The following DNAH8 variants were observed in gnomAD, a reference collection of about 807,000 sequenced individuals.
DNAH8 encodes axonemal beta dynein heavy chain 8.
DNAH8 carries 382 observed loss-of-function variants against 562.1 expected under a neutral mutation model. The observed-to-expected ratio is 0.68, with a 90% CI of 0.63 to 0.74. DNAH8 has a LOEUF of 0.74. Among genes scored for constraint, DNAH8 ranks in the 30% least tolerant of loss-of-function variants. DNAH8 has a pLI of 0.00. For missense variants in DNAH8, 5,203 were observed against 5,620.4 expected, an observed-to-expected ratio of 0.93 and a Z score of 2.37; for synonymous variants, 1,881 against 1,919.4, an observed-to-expected ratio of 0.98 and a Z score of 0.52.
At chr6:38,866,559 C>T (rs1733524743) in intron 45 of DNAH8, 32 bp from the exon 46 acceptor site, 3 of 1,440,688 alleles carry the variant, frequency 2.1e-6, no homozygotes, top group Non-Finnish European at 2.9e-6. Context: ...ATTGTTTTAG[C>T]AATTAAAAAT....
rs770586900 is a variant in DNAH8, at chr6:39,012,310, C to G, written c.13467C>G (p.Leu4489=). The G allele has an allele frequency of 8.7e-6, 14 of 1,613,186 alleles. No homozygotes were observed. Among genetic ancestry groups the G allele is most frequent in the Non-Finnish European group, 1.1e-5 (13 of 1,179,384 alleles). ...GAATGCAAAGAGTCATTTCAATACTCCGCAGTAGCCTGAGTGATCTAAAAT... is the reference window on the plus strand; with the variant it reads ...GAATGCAAAGAGTCATTTCAATACTGCGCAGTAGCCTGAGTGATCTAAAAT... ...IDRMQRVISI[L]RSSLSDLKLA... The change falls in exon 90 of 93, where the codon CTC becomes CTG. Residue 4489 remains leucine, a synonymous_variant. Coordinates refer to ENST00000327475, the MANE Select transcript of DNAH8 (RefSeq NM_001206927.2).
chr6:38,885,381 G>A (rs187976390), intron 56 of DNAH8, among the ~76,000 whole-genome samples: 16 of 152,052 alleles, frequency 1.1e-4, no homozygotes, highest in African/African-American at 3.9e-4. Context: ...ACCACCTGGC[G>A]CCACCCACCA....
rs1031668402 is a variant in DNAH8 at position 38,896,086 on chromosome 6, T to C, written c.8801T>C (p.Val2934Ala). The C allele has an allele frequency of 1.5e-5, 25 of 1,614,022 alleles. No individual in the cohort carries two copies. The Admixed American group carries it at 3.2e-4, about 20-fold the overall frequency. Residue 2934 changes from valine (V) to alanine (A), a missense_variant, in exon 60 of 93, where the codon GTT (valine) becomes GCT (alanine). Val to Ala is a moderately conservative substitution (Grantham distance 64). This residue lies in a region of DNAH8 where 977 missense variants were observed against 1,061.8 expected (regional missense o/e 0.92). Transcript: ENST00000327475. ...QWFNAHLTRAVEENIGSDAAS... is the reference protein window; with the variant it reads ...QWFNAHLTRAAEENIGSDAAS... The stretch of plus-strand genomic sequence containing the variant: ...TTTAATGCACATCTTACTCGTGCAG[T>C]TGAAGAAAATATTGGCTCTGATGCA...
rs755414582 is a variant in DNAH8, at chr6:38,815,490, A to T, written c.3356A>T (p.Asp1119Val). 6.2e-7 allele frequency: 1 copy of T among 1,613,878 alleles called. No individual in the cohort carries two copies. Among genetic ancestry groups the T allele is most frequent in the Non-Finnish European group, 8.5e-7 (1 of 1,179,816 alleles). ...CAGGTGATGATTCCTAGTTTGGATG[A>T]CATTCAACAAGCCATTAACCGTATG... ...PNVVMIPSLD[D>V]IQQAINRMIQ... The change falls in exon 26 of 93, where the codon GAC becomes GTC. Residue 1119 changes from aspartate (D) to valine (V), a missense_variant. Coordinates refer to ENST00000327475, the MANE Select transcript of DNAH8 (RefSeq NM_001206927.2).
intron 23 of DNAH8, among the ~76,000 whole-genome samples, chr6:38,807,404 A>T (rs1292619112): frequency 2.0e-5 from 3 of 152,246 alleles, no homozygotes; most frequent in Non-Finnish European, 4.4e-5. Context: ...GTGTTTATGC[A>T]AACACATTTT....
At chr6:38,912,096 A>G (rs1052771456) in intron 66 of DNAH8, among the ~76,000 whole-genome samples, 1 of 152,242 alleles carries the variant, frequency 6.6e-6, no homozygotes, top group Non-Finnish European at 1.5e-5. Flanking sequence ...AAACATTGGA[A>G]GAGATTATAT....
intron 41 of DNAH8, 29 bp from the exon 42 acceptor site, chr6:38,857,489 A>C (rs2150400875): frequency 6.6e-7 from 1 of 1,523,964 alleles, no homozygotes; most frequent in Non-Finnish European, 9.0e-7. Context: ...TATTTGGCAA[A>C]TTTTAATATT....
intron 71 of DNAH8, among the ~76,000 whole-genome samples, chr6:38,921,825 C>T (rs1781725658): frequency 1.3e-5 from 2 of 152,140 alleles, no homozygotes; most frequent in African/African-American, 4.8e-5. Flanking sequence ...GTTTATTTCA[C>T]CTGGGTGCAG....
At chr6:38,801,200 A>G (rs1231674599) in intron 21 of DNAH8, among the ~76,000 whole-genome samples, 4 of 152,154 alleles carry the variant, frequency 2.6e-5, no homozygotes, top group Non-Finnish European at 4.4e-5. Flanking sequence ...TTTTACGTCT[A>G]TAATCCATTT....
chr6:38,920,976 G>C (rs7760438), intron 70 of DNAH8, among the ~76,000 whole-genome samples: 1 of 152,004 alleles, frequency 6.6e-6, no homozygotes, highest in Admixed American at 6.6e-5. Context: ...CTGCAGCCTC[G>C]ACCTCCGGGG....
In DNAH8 at chr6:38,736,992, A is replaced by G. The variant is rs1208353952; in HGVS notation, c.763-75A>G. On this transcript the variant is annotated intron_variant, in intron 5 of 92. Transcript: ENST00000327475. ...ATTAGTTGTCTATGTTTATTGCAAT[A>G]TAAAACAGGTTATGATTTTTCAGTT... 23 of 1,089,254 alleles carry G rather than the reference A, an allele frequency of 2.1e-5. No homozygotes were observed. The Middle Eastern group carries it at 6.4e-4, about 30-fold the overall frequency. 67.5% of individuals were successfully genotyped at this position (1,089,254 alleles called of 1,614,324 possible). A position where few individuals can be genotyped will look rare whatever the true frequency, so the allele number is the denominator to read the frequency against.
intron 43 of DNAH8, among the ~76,000 whole-genome samples, chr6:38,861,814 G>A (rs572097526): frequency 6.6e-6 from 1 of 152,304 alleles, no homozygotes; most frequent in South Asian, 2.1e-4. Flanking sequence ...TTACAGGCGT[G>A]AGCCACCATG....
chr6:39,022,345 T>TGAGGGGGGAGGGGTCCTC (rs1766974528), intron 91 of DNAH8, among the ~76,000 whole-genome samples: 1 of 152,204 alleles, frequency 6.6e-6, no homozygotes, highest in Non-Finnish European at 1.5e-5. Flanking sequence ...CCCCAGCTCC[T>TGAGGGGGGAGGGGTCCTC]CCCTGACCCT....
At chr6:38,914,095 A>AT (rs1781112989) in intron 67 of DNAH8, 143 bp downstream of exon 67, 1 of 620,610 alleles carries the variant, frequency 1.6e-6, no homozygotes, top group Non-Finnish European at 2.8e-6. Context: ...ACCATTAGAC[A>AT]TTTTTGTTTA....
Position 38,834,562 on chromosome 6 carries a change from T to C in DNAH8, c.4303-17T>C, listed in dbSNP as rs746686780. The C allele has an allele frequency of 2.6e-6, 4 of 1,532,104 alleles. No homozygotes were observed. The highest frequency in any genetic ancestry group is 1.9e-5 in the Admixed American group (1 of 51,730). The allele number at this position is 1,532,104 out of a possible 1,614,324, so 94.9% of individuals were successfully genotyped here. A position where few individuals can be genotyped will look rare whatever the true frequency, so the allele number is the denominator to read the frequency against. On this transcript the variant is annotated splice_polypyrimidine_tract_variant and intron_variant, in intron 31 of 92. Coordinates refer to ENST00000327475, the MANE Select transcript of DNAH8 (RefSeq NM_001206927.2). ...TATGATTAAGAATGAAAATGGAGAT[T>C]ATATTCTTCCTTACAGGAAGGACCT... is the stretch of plus-strand genomic sequence containing the variant.
chr6:38,787,035 A>C, intron 18 of DNAH8, 83 bp downstream of exon 18: 7 of 787,550 alleles, frequency 8.9e-6, no homozygotes, highest in Non-Finnish European at 1.3e-5. Context: ...ATATCCCTGC[A>C]GTTATGCTTC....
At chr6:38,891,875 T>C (rs994961406) in intron 58 of DNAH8, among the ~76,000 whole-genome samples, 1 of 152,206 alleles carries the variant, frequency 6.6e-6, no homozygotes, top group Admixed American at 6.5e-5. Context: ...TCTTTACCTC[T>C]TTAATCCATT....
At chr6:38,989,660 G>A (rs114265588) in intron 87 of DNAH8, among the ~76,000 whole-genome samples, 9 of 152,284 alleles carry the variant, frequency 5.9e-5, no homozygotes, top group Non-Finnish European at 1.3e-4. Context: ...ATATTCTCTT[G>A]TGTGTGGGAG....
intron 62 of DNAH8, among the ~76,000 whole-genome samples, chr6:38,905,839 A>G (rs1054784710): frequency 3.9e-5 from 6 of 152,192 alleles, no homozygotes; most frequent in African/African-American, 7.2e-5. Flanking sequence ...ATTATGCTCT[A>G]ATAATCACAG....
Sources: gnomAD v4.1 joint callset for allele counts (sites outside exome capture counted in the v4.1 genomes callset) on GRCh38, gnomAD v4.1.1 for gene constraint, gnomAD v4.1.1 regional missense constraint, MANE v1.5 for transcripts, NCBI Gene and HGNC (gene_info 2026-07-23, HGNC 2026-07-21) for gene names.